NRP1: variants seen among roughly 807,000 people sequenced by gnomAD.
NRP1 encodes the protein neuropilin-1.
In NRP1, 35 loss-of-function variants were observed where a neutral mutation model predicts 106.7. The ratio of observed to expected loss-of-function variants is 0.33; its 90% CI spans 0.25 to 0.43. NRP1 has a LOEUF of 0.43. Ranked by LOEUF, NRP1 falls within the 20% of genes least tolerant of loss-of-function variation. The probability of loss-of-function intolerance (pLI) is 1.00; values close to 1 mark genes in which losing one functional copy is unlikely to be tolerated. For missense variants in NRP1, 1,024 were observed against 1,170.4 expected (o/e 0.87, Z 1.83); for synonymous variants, 437 against 417.9 (o/e 1.05, Z -0.56).
chr10:33,270,611 G>T, intron 3 of NRP1, 64 bp downstream of exon 3: 2 of 1,410,016 alleles, frequency 1.4e-6, no homozygotes, highest in South Asian at 1.5e-5. Flanking sequence ...ACAGGGGTGA[G>T]CCACCACACT....
intron 16 of NRP1, among the ~76,000 whole-genome samples, chr10:33,182,489 G>A (rs1393903610): frequency 6.6e-6 from 1 of 152,094 alleles, no homozygotes; most frequent in South Asian, 2.1e-4. Context: ...ACCCGTCACC[G>A]AGGCTCCCCA....
Position 33,179,948 on chromosome 10 carries a change from T to G in NRP1, c.*128A>C. 1 of 934,480 alleles carries G rather than the reference T, an allele frequency of 1.1e-6. No homozygotes were observed. The highest frequency in any genetic ancestry group is 1.6e-6 in the Non-Finnish European group (1 of 606,614). 57.9% of individuals were successfully genotyped at this position (934,480 alleles called of 1,614,324 possible). On this transcript the variant is annotated 3_prime_UTR_variant, in exon 17 of 17. Coordinates refer to ENST00000374867, the MANE Select transcript of NRP1 (RefSeq NM_003873.7). ...TGTCGGCCATACTCATTGAAGCTCC[T>G]GAGAAAAGCCTGGCTCAGTGGTCAT... is the stretch of plus-strand genomic sequence containing the variant.
intron 2 of NRP1, among the ~76,000 whole-genome samples, chr10:33,277,429 T>C (rs868072966): frequency 4.6e-5 from 7 of 152,358 alleles, no homozygotes; most frequent in African/African-American, 1.7e-4. Flanking sequence ...GTTTCCTTTC[T>C]CACACCAGCA....
At chr10:33,319,972 G>T (rs1847364717) in intron 2 of NRP1, among the ~76,000 whole-genome samples, 1 of 151,556 alleles carries the variant, frequency 6.6e-6, no homozygotes, top group African/African-American at 2.4e-5. Context: ...GAACCCACCG[G>T]AAGGAATAAA....
chr10:33,209,019 G>T (rs1265956060), intron 9 of NRP1, among the ~76,000 whole-genome samples: 1 of 144,228 alleles, frequency 6.9e-6, no homozygotes, highest in African/African-American at 2.6e-5. Flanking sequence ...TGATTCTCCT[G>T]TCTCAGCCTC....
chr10:33,207,472 G>C, intron 10 of NRP1, 100 bp downstream of exon 10: 1 of 1,362,556 alleles, frequency 7.3e-7, no homozygotes, highest in South Asian at 1.3e-5. Flanking sequence ...CCTCCCAAGG[G>C]AAAAGGGTAG....
At chr10:33,278,588 G>A (rs1288351230) in intron 2 of NRP1, among the ~76,000 whole-genome samples, 1 of 152,134 alleles carries the variant, frequency 6.6e-6, no homozygotes, top group African/African-American at 2.4e-5. Flanking sequence ...TTATGTCGTT[G>A]TCTTCCTCAA....
intron 2 of NRP1, among the ~76,000 whole-genome samples, chr10:33,312,822 C>A (rs1344768456): frequency 6.6e-6 from 1 of 151,970 alleles, no homozygotes; most frequent in African/African-American, 2.4e-5. Flanking sequence ...AAAGTAATTT[C>A]TCTTCTTTAC....
At chr10:33,300,960 C>T (rs936408020) in intron 2 of NRP1, among the ~76,000 whole-genome samples, 1 of 152,108 alleles carries the variant, frequency 6.6e-6, no homozygotes, top group African/African-American at 2.4e-5. Flanking sequence ...TCAACATTGG[C>T]GAAATAAACT....
At chr10:33,190,303 A>T (rs1836318256) in intron 13 of NRP1, among the ~76,000 whole-genome samples, 1 of 152,202 alleles carries the variant, frequency 6.6e-6, no homozygotes, top group Non-Finnish European at 1.5e-5. Context: ...TTCCACCATT[A>T]CTGCCTTCAT....
intron 15 of NRP1, among the ~76,000 whole-genome samples, chr10:33,185,348 G>A (rs1835931379): frequency 6.6e-6 from 1 of 152,174 alleles, no homozygotes; most frequent in Non-Finnish European, 1.5e-5. Flanking sequence ...TAGCTTGTAA[G>A]CTGGGTCTTC....
chr10:33,261,110 T>A lies in NRP1; in HGVS notation c.658+2536A>T, dbSNP rs115600654. The stretch of plus-strand genomic sequence containing the variant: ...AAATATTAACAAATATACAAACACA[T>A]CTTCATATTCCAAAGCCAGTTTTCT... On this transcript the variant is annotated intron_variant, in intron 4 of 16. Coordinates refer to ENST00000374867, the MANE Select transcript of NRP1 (RefSeq NM_003873.7). Among the ~76,000 whole-genome samples the A allele has an allele frequency of 1.9e-3, 284 of 151,304 alleles. 1 individual carries two copies. The highest frequency in any genetic ancestry group is 6.6e-3 in the African/African-American group (274 of 41,260).
chr10:33,314,023 T>TCC (rs1243967238), intron 2 of NRP1, among the ~76,000 whole-genome samples: 1 of 148,378 alleles, frequency 6.7e-6, no homozygotes, highest in African/African-American at 2.5e-5. Context: ...CTTCCTTCTC[T>TCC]CTCTCTCTTT....
At chr10:33,184,870 T>C (rs1337483327) in intron 15 of NRP1, among the ~76,000 whole-genome samples, 1 of 152,214 alleles carries the variant, frequency 6.6e-6, no homozygotes. Flanking sequence ...ATTGGCCCAA[T>C]AGGCTTATCC....
intron 2 of NRP1, among the ~76,000 whole-genome samples, chr10:33,319,098 G>C (rs1425756767): frequency 6.8e-6 from 1 of 147,720 alleles, no homozygotes; most frequent in African/African-American, 2.5e-5. Context: ...TCTGCTTCCC[G>C]GGTTCACGCC....
chr10:33,293,474 G>C (rs539291058), intron 2 of NRP1, among the ~76,000 whole-genome samples: 4 of 152,098 alleles, frequency 2.6e-5, no homozygotes, highest in African/African-American at 9.7e-5. Flanking sequence ...GTCACGGACC[G>C]GAATTACAGA....
At chr10:33,246,083 T>C (rs1840725990) in intron 6 of NRP1, among the ~76,000 whole-genome samples, 1 of 152,026 alleles carries the variant, frequency 6.6e-6, no homozygotes, top group African/African-American at 2.4e-5. Context: ...GCTGAATTAA[T>C]TAGTCAACTT....
chr10:33,323,559 G>A (rs1340566395), intron 2 of NRP1, among the ~76,000 whole-genome samples: 1 of 151,882 alleles, frequency 6.6e-6, no homozygotes, highest in South Asian at 2.1e-4. Flanking sequence ...ACTACTAACT[G>A]CCCTAGATAC....
Position 33,302,353 on chromosome 10 carries a change from C to T in NRP1, c.248+28355G>A, listed in dbSNP as rs191888694. Among the ~76,000 whole-genome samples, 12 of 152,282 alleles carry T rather than the reference C, an allele frequency of 7.9e-5. No individual in the cohort carries two copies. The East Asian group carries it at 1.5e-3, about 20-fold the overall frequency. On this transcript the variant is annotated intron_variant, in intron 2 of 16. Coordinates refer to ENST00000374867, the MANE Select transcript of NRP1 (RefSeq NM_003873.7). Reference sequence around the variant, plus strand: ...GGTCTCATCCTGTTTGGCCCCTTTGCGTAAAAGCTAAGGATGGCTGGCCCA... The same window carrying T: ...GGTCTCATCCTGTTTGGCCCCTTTGTGTAAAAGCTAAGGATGGCTGGCCCA...
Sources: allele counts gnomAD v4.1 joint callset (sites outside exome capture counted in the v4.1 genomes callset), GRCh38; gene constraint gnomAD v4.1.1; transcripts MANE v1.5; gene names NCBI Gene and HGNC (gene_info 2026-07-23, HGNC 2026-07-21).